The following ACYP2 variants were observed in gnomAD, a reference collection of about 807,000 sequenced individuals.
The protein encoded by ACYP2 is acylphosphatase 2, also known as acylphosphatase-2.
In ACYP2, 12 loss-of-function variants were observed where a neutral mutation model predicts 11.2. The observed-to-expected ratio is 1.08, with a 90% CI of 0.69 to 1.74. The LOEUF (loss-of-function observed/expected upper bound fraction) is 1.74. Ranked by LOEUF, ACYP2 falls within the 40% of genes most tolerant of loss-of-function variation. The pLI, the probability that ACYP2 is intolerant of heterozygous loss-of-function variation, is 0.00. For synonymous variants in ACYP2, 43 were observed against 32.2 expected (o/e 1.33, Z -1.13); for missense variants, 134 against 101.9 (o/e 1.31, Z -1.35).
intron 5 of ACYP2, among the ~76,000 whole-genome samples, chr2:54,138,259 C>G (rs961008370): frequency 6.6e-6 from 1 of 152,080 alleles, no homozygotes; most frequent in African/African-American, 2.4e-5. Context: ...GATTGAGAAT[C>G]TTGGATTGAT....
intron 4 of ACYP2, among the ~76,000 whole-genome samples, chr2:54,097,803 C>A (rs1678671362): frequency 6.6e-6 from 1 of 151,806 alleles, no homozygotes; most frequent in Non-Finnish European, 1.5e-5. Context: ...TTAACTCTAA[C>A]CACCATGCTA....
At chr2:54,143,229 T>C (rs1010041307) in intron 6 of ACYP2, 7 of 152,342 alleles carry the variant, frequency 4.6e-5, no homozygotes, top group Non-Finnish European at 7.3e-5. Flanking sequence ...AAAATAGTTT[T>C]ATTGTTTCAC....
chr2:54,002,369 G>A (rs1173920199), intron 2 of ACYP2, among the ~76,000 whole-genome samples: 13 of 145,202 alleles, frequency 9.0e-5, no homozygotes, highest in Admixed American at 6.9e-5. Context: ...TTTTTGAGAC[G>A]GAGTCTTGCT....
intron 2 of ACYP2, chr2:53,975,189 C>T (rs559074559): frequency 2.6e-6 from 1 of 384,052 alleles, no homozygotes; most frequent in African/African-American, 2.2e-5. Flanking sequence ...CACACCACTG[C>T]ATTCCAACCT....
At chr2:54,177,204 C>T (rs182234966) in intron 6 of ACYP2, among the ~76,000 whole-genome samples, 23 of 152,228 alleles carry the variant, frequency 1.5e-4, no homozygotes, top group Admixed American at 1.0e-3. Flanking sequence ...CTCCTTTGCC[C>T]TCTACCTTCC....
chr2:54,117,162 C>G (rs1558540575), intron 4 of ACYP2, among the ~76,000 whole-genome samples: 1 of 151,840 alleles, frequency 6.6e-6, no homozygotes, highest in East Asian at 1.9e-4. Context: ...TTCAACAGCT[C>G]CAAGTATTAA....
At chr2:54,221,257 A>T (rs1685788818) in intron 6 of ACYP2, among the ~76,000 whole-genome samples, 1 of 152,212 alleles carries the variant, frequency 6.6e-6, no homozygotes, top group South Asian at 2.1e-4. Flanking sequence ...GCATGAAAAT[A>T]AATGTTTGTT....
rs529216127 is a variant in ACYP2, at chr2:53,995,948, C to T, written c.62+22138C>T. On this transcript the variant is annotated intron_variant, in intron 2 of 6. Coordinates refer to ENST00000607452, the MANE Select transcript of ACYP2 (RefSeq NM_001320586.2). ...AGGAGTTTGACACCAGCCTGGCCAA[C>T]GTGGTGAAACCCTGTGTCTACCAAA... Among the ~76,000 whole-genome samples the T allele has an allele frequency of 3.3e-5, 5 of 152,118 alleles. No individual in the cohort carries two copies. The East Asian group carries it at 5.9e-4, about 18-fold the overall frequency.
intron 6 of ACYP2, chr2:54,142,017 T>TG (rs1681634882): frequency 2.5e-6 from 1 of 399,736 alleles, no homozygotes; most frequent in Non-Finnish European, 4.4e-6. Flanking sequence ...GTGTGTATAT[T>TG]TTGTTGTTGT....
chr2:53,985,506 T>G (rs1671989929), intron 2 of ACYP2, among the ~76,000 whole-genome samples: 1 of 152,074 alleles, frequency 6.6e-6, no homozygotes, highest in South Asian at 2.1e-4. Flanking sequence ...ACATATATGT[T>G]CTCCAAAAGA....
rs191486093 is a variant in ACYP2, at chr2:54,037,257, C to T, written c.63-13701C>T. The stretch of plus-strand genomic sequence containing the variant: ...CCTCCCAAATACCTGGGATTACAGG[C>T]GCCCACCACCATGCCTGTCTAATTT... On this transcript the variant is annotated intron_variant, in intron 2 of 6. Transcript: ENST00000607452. Among the ~76,000 whole-genome samples, 28 of 151,708 alleles carry T rather than the reference C, an allele frequency of 1.8e-4. No homozygotes were observed. In the East Asian group the frequency reaches 4.7e-3, roughly 25 times the overall value.
intron 6 of ACYP2, among the ~76,000 whole-genome samples, chr2:54,298,798 C>A (rs1016912911): frequency 6.6e-6 from 1 of 152,228 alleles, no homozygotes; most frequent in Non-Finnish European, 1.5e-5. Context: ...GTCGCCTAGG[C>A]TGGAGTGCAG....
chr2:54,203,616 G>C (rs1684945097), intron 6 of ACYP2, among the ~76,000 whole-genome samples: 1 of 152,168 alleles, frequency 6.6e-6, no homozygotes, highest in Non-Finnish European at 1.5e-5. Context: ...CCTTTCTCAA[G>C]TGGAGAAAGC....
intron 6 of ACYP2, among the ~76,000 whole-genome samples, chr2:54,160,198 T>C (rs1360916009): frequency 1.3e-5 from 2 of 152,212 alleles, no homozygotes; most frequent in Non-Finnish European, 2.9e-5. Context: ...ATCGTGTCTG[T>C]AGGATTCTCT....
chr2:53,994,240 G>A (rs1672448073), intron 2 of ACYP2, among the ~76,000 whole-genome samples: 1 of 138,374 alleles, frequency 7.2e-6, no homozygotes, highest in Admixed American at 7.9e-5. Flanking sequence ...TGAGGCAGGA[G>A]AATGGCCTGA....
intron 6 of ACYP2, among the ~76,000 whole-genome samples, chr2:54,141,616 T>G (rs1021231939): frequency 2.6e-5 from 4 of 152,224 alleles, no homozygotes; most frequent in African/African-American, 9.6e-5. Context: ...CTGATCTATT[T>G]CTCTGTTCCT....
chr2:54,275,242 A>T (rs1688497594), intron 6 of ACYP2, among the ~76,000 whole-genome samples: 2 of 152,236 alleles, frequency 1.3e-5, no homozygotes, highest in Non-Finnish European at 2.9e-5. Flanking sequence ...GTATGAATTC[A>T]ACTATCATTT....
chr2:53,992,056 T>C (rs1672324251), intron 2 of ACYP2, among the ~76,000 whole-genome samples: 1 of 150,910 alleles, frequency 6.6e-6, no homozygotes, highest in Non-Finnish European at 1.5e-5. Flanking sequence ...CTTCCCTCCC[T>C]CTTTCCTTCC....
chr2:54,269,272 C>G (rs964501643), intron 6 of ACYP2, among the ~76,000 whole-genome samples: 1 of 152,144 alleles, frequency 6.6e-6, no homozygotes, highest in African/African-American at 2.4e-5. Context: ...TTAATCTAAA[C>G]AATGCCTTTT....
Sources: gnomAD v4.1 joint callset for allele counts (sites outside exome capture counted in the v4.1 genomes callset) on GRCh38, gnomAD v4.1.1 for gene constraint, MANE v1.5 for transcripts, NCBI Gene and HGNC (gene_info 2026-07-23, HGNC 2026-07-21) for gene names.